Variants in TBC1D16 observed in about 807,000 individuals in gnomAD.
The protein encoded by TBC1D16 is CTD-2529O21.1.
Under a neutral mutation model 74.7 loss-of-function variants are expected in TBC1D16, and 58 were observed. That is an observed-to-expected ratio of 0.78 (90% CI 0.63 to 0.97). TBC1D16 has a LOEUF of 0.97. TBC1D16 is among the 50% of genes least tolerant of loss of function. The pLI is 0.00. For missense variants in TBC1D16, 1,014 were observed against 1,079.5 expected (o/e 0.94, Z 0.85); for synonymous variants, 493 against 474.7 (o/e 1.04, Z -0.50).
At chr17:79,949,893 G>A in intron 6 of TBC1D16, 28 bp from the exon 7 acceptor site, 1 of 1,604,602 alleles carries the variant, frequency 6.2e-7, no homozygotes, top group Non-Finnish European at 8.5e-7. Context: ...AGTTGGGGAG[G>A]GGATAAAATG....
chr17:80,005,686 C>A (rs1423397958), intron 3 of TBC1D16, among the ~76,000 whole-genome samples: 3 of 152,180 alleles, frequency 2.0e-5, no homozygotes, highest in African/African-American at 7.2e-5. Flanking sequence ...GATTTCCAGG[C>A]CGTCGCTGGA....
chr17:79,958,279 G>T (rs1410547444), intron 3 of TBC1D16, among the ~76,000 whole-genome samples: 2 of 150,666 alleles, frequency 1.3e-5, no homozygotes, highest in African/African-American at 4.9e-5. Context: ...AAATGCAATG[G>T]CAAGATCTCG....
In TBC1D16 at chr17:79,990,901, C is replaced by T. The variant is rs1486003213; in HGVS notation, c.779+19259G>A. On this transcript the variant is annotated intron_variant, in intron 3 of 11. Transcript: ENST00000310924. The surrounding 1 kb of genome is among the most constrained non-coding windows in gnomAD (Gnocchi z 4.8). ...TAACGTCCTCAACTCATCCGTGTTG[C>T]GGCGCGTGTCAGAATTGCCTTCCCA... 6.6e-6 allele frequency among the ~76,000 whole-genome samples: 1 copy of T among 152,214 alleles called. No homozygotes were observed. The highest frequency in any genetic ancestry group is 2.1e-4 in the South Asian group (1 of 4,834).
At chr17:79,976,847 G>A (rs777330547) in intron 3 of TBC1D16, among the ~76,000 whole-genome samples, 1 of 152,120 alleles carries the variant, frequency 6.6e-6, no homozygotes, top group African/African-American at 2.4e-5. Context: ...CTATGGAATC[G>A]GTCCCCAGAG....
chr17:79,944,414 C>T lies in TBC1D16; in HGVS notation c.1908+494G>A, dbSNP rs540757766. Among the ~76,000 whole-genome samples, 12 of 152,266 alleles carry T rather than the reference C, an allele frequency of 7.9e-5. No homozygotes were observed. Among genetic ancestry groups the T allele is most frequent in the Admixed American group, 2.6e-4 (4 of 15,296 alleles). On this transcript the variant is annotated intron_variant, in intron 10 of 11. Transcript: ENST00000310924. This position sits in a 1 kb window ranked among gnomAD's most constrained non-coding sequence, Gnocchi z 7.7. ...GAATTTGCTGAGAAGATGCTGGTGA[C>T]GGTGGACGGAGAGTGGAAGTCGGTA...
At chr17:79,973,478 G>C (rs2034199665) in intron 3 of TBC1D16, among the ~76,000 whole-genome samples, 1 of 152,152 alleles carries the variant, frequency 6.6e-6, no homozygotes, top group Non-Finnish European at 1.5e-5. Context: ...GGAAGGCCAA[G>C]GCGGGCGGAT....
rs1177830706 is a variant in TBC1D16 at position 79,950,664 on chromosome 17, C to T, written c.1090-86G>A. 3 of 1,555,818 alleles carry T rather than the reference C, an allele frequency of 1.9e-6. No individual in the cohort carries two copies. The highest frequency in any genetic ancestry group is 1.7e-4 in the Middle Eastern group (1 of 5,992). ...CAGTGCTTTTCCCAGGAATAAAAGC[C>T]TCTCTCTCTTCTGAAAGGAGGGCAA... On this transcript the variant is annotated intron_variant, in intron 5 of 11. Transcript: ENST00000310924. This position sits in a 1 kb window ranked among gnomAD's most constrained non-coding sequence, Gnocchi z 4.6.
rs901966543 is a variant in TBC1D16 at position 79,934,914 on chromosome 17, G to A, written c.*5945C>T. 1 of 152,280 alleles carries A rather than the reference G, an allele frequency of 6.6e-6. No individual in the cohort carries two copies. The highest frequency in any genetic ancestry group is 2.4e-5 in the African/African-American group (1 of 41,448). The allele number at this position is 152,280 out of a possible 1,614,324, so 9.4% of individuals were successfully genotyped here. A position where few individuals can be genotyped will look rare whatever the true frequency, so the allele number is the denominator to read the frequency against. Reference sequence around the variant, plus strand: ...GAAACCCCAAAGGGCGCTTGATGAAGAGCTGGAGCTCCCCGCCCCCCGTGC... The same window carrying A: ...GAAACCCCAAAGGGCGCTTGATGAAAAGCTGGAGCTCCCCGCCCCCCGTGC... On this transcript the variant is annotated 3_prime_UTR_variant, in exon 12 of 12. Coordinates refer to ENST00000310924, the MANE Select transcript of TBC1D16 (RefSeq NM_019020.4).
Position 79,939,913 on chromosome 17 carries a change from C to T in TBC1D16, c.*946G>A, listed in dbSNP as rs540774691. ...TGGTTGGTCAGCTAATACACTACCA[C>T]GTCCCTGGGACAAAGCAGATCATTG... On this transcript the variant is annotated 3_prime_UTR_variant, in exon 12 of 12. Transcript: ENST00000310924. 3 of 152,348 alleles carry T rather than the reference C, an allele frequency of 2.0e-5. No individual in the cohort carries two copies. Among genetic ancestry groups the T allele is most frequent in the East Asian group, 3.9e-4 (2 of 5,182 alleles). 9.4% of individuals were successfully genotyped at this position (152,348 alleles called of 1,614,324 possible). A position where few individuals can be genotyped will look rare whatever the true frequency, so the allele number is the denominator to read the frequency against.
At position 79,954,609 on chromosome 17, in the gene TBC1D16, G is replaced by A. The variant is rs948030532; in HGVS notation, c.780-1791C>T. The stretch of plus-strand genomic sequence containing the variant: ...ACATCTTCCCAAGTGGACCCTGCGG[G>A]AGCTGCGCTTCAGAATCGTTGCTCA... On this transcript the variant is annotated intron_variant, in intron 3 of 11. Transcript: ENST00000310924. This position sits in a 1 kb window ranked among gnomAD's most constrained non-coding sequence, Gnocchi z 5.5. Among the ~76,000 whole-genome samples the A allele has an allele frequency of 2.6e-5, 4 of 152,292 alleles. No individual in the cohort carries two copies. Among genetic ancestry groups the A allele is most frequent in the South Asian group, 2.1e-4 (1 of 4,824 alleles).
rs901354707 is a variant in TBC1D16 at position 79,987,973 on chromosome 17, G to A, written c.779+22187C>T. ...AGATTTCGAGGGAAGAATCCTAAAT[G>A]TGGGGAAATGAGGTTGCCCAGCAAT... On this transcript the variant is annotated intron_variant, in intron 3 of 11. Transcript: ENST00000310924. This position sits in a 1 kb window ranked among gnomAD's most constrained non-coding sequence, Gnocchi z 5.2. Among the ~76,000 whole-genome samples the A allele has an allele frequency of 1.1e-4, 16 of 152,236 alleles. No individual in the cohort carries two copies. Among genetic ancestry groups the A allele is most frequent in the African/African-American group, 3.9e-4 (16 of 41,544 alleles).
rs1203514015 is a variant in TBC1D16, at chr17:79,933,995, G to C, written c.*6864C>G. 6.6e-6 allele frequency: 1 copy of C among 152,252 alleles called. No homozygotes were observed. Among genetic ancestry groups the C allele is most frequent in the East Asian group, 1.9e-4 (1 of 5,180 alleles). 9.4% of individuals were successfully genotyped at this position (152,252 alleles called of 1,614,324 possible). A position where few individuals can be genotyped will look rare whatever the true frequency, so the allele number is the denominator to read the frequency against. ...GTGCGGCTGGTTGAGTGTAAACGCT[G>C]AGTCATGCTCGCTGCCCAGCTGTGT... is the stretch of plus-strand genomic sequence containing the variant. On this transcript the variant is annotated 3_prime_UTR_variant, in exon 12 of 12. Transcript: ENST00000310924.
intron 1 of TBC1D16, among the ~76,000 whole-genome samples, chr17:80,030,245 A>G (rs2036728561): frequency 6.6e-6 from 1 of 152,130 alleles, no homozygotes; most frequent in African/African-American, 2.4e-5. Flanking sequence ...GCTGATTTCC[A>G]ACTCGCAGGG....
At position 79,981,880 on chromosome 17, in the gene TBC1D16, G is replaced by A. The variant is rs2034597686; in HGVS notation, c.779+28280C>T. On this transcript the variant is annotated intron_variant, in intron 3 of 11. Transcript: ENST00000310924. The surrounding 1 kb of genome is among the most constrained non-coding windows in gnomAD (Gnocchi z 6.9). ...TCCAAGGGCGCGCCAGGGAACAGCA[G>A]GACGCGGCCCTCCGGGGCTTCCCTG... 6.6e-6 allele frequency among the ~76,000 whole-genome samples: 1 copy of A among 152,252 alleles called. No homozygotes were observed. The highest frequency in any genetic ancestry group is 2.4e-5 in the African/African-American group (1 of 41,470).
rs544464245 is a variant in TBC1D16 at position 80,007,518 on chromosome 17, C to A, written c.779+2642G>T. Among the ~76,000 whole-genome samples the A allele has an allele frequency of 6.6e-6, 1 of 152,150 alleles. No individual in the cohort carries two copies. Among genetic ancestry groups the A allele is most frequent in the Non-Finnish European group, 1.5e-5 (1 of 68,032 alleles). On this transcript the variant is annotated intron_variant, in intron 3 of 11. Coordinates refer to ENST00000310924, the MANE Select transcript of TBC1D16 (RefSeq NM_019020.4). The surrounding 1 kb of genome is among the most constrained non-coding windows in gnomAD (Gnocchi z 4.5). Reference sequence around the variant, plus strand: ...CCATCTGCCTCCCAGCAGCTGGGGACGGACAGGCGGACAGGGTGTCTCAGT... The same window carrying A: ...CCATCTGCCTCCCAGCAGCTGGGGAAGGACAGGCGGACAGGGTGTCTCAGT...
At chr17:79,952,559 T>C (rs2033119811) in intron 4 of TBC1D16, 98 bp downstream of exon 4, 4 of 1,442,496 alleles carry the variant, frequency 2.8e-6, no homozygotes. Flanking sequence ...CAGGGCCCTG[T>C]GTCCCCAAGC....
chr17:79,999,533 CTTTTTTTTTTTT>C (rs71163906), intron 3 of TBC1D16, among the ~76,000 whole-genome samples: 1 of 76,460 alleles, frequency 1.3e-5, no homozygotes, highest in African/African-American at 5.3e-5. Context: ...CCCCAAATTT[CTTTTTTTTTTTT>C]TTTTTTTTTT....
chr17:79,973,255 G>A (rs188193879), intron 3 of TBC1D16, among the ~76,000 whole-genome samples: 17 of 152,214 alleles, frequency 1.1e-4, no homozygotes, highest in Non-Finnish European at 1.9e-4. Flanking sequence ...ATTAGGCACA[G>A]TAAGAGATGA....
chr17:80,024,879 A>C (rs62647780), intron 1 of TBC1D16, among the ~76,000 whole-genome samples: 115,763 of 144,194 alleles, frequency 0.8, 47,278 homozygotes, highest in Middle Eastern at 0.86. Flanking sequence ...CACACACCAC[A>C]TACCATAGGC....
Sources: allele counts gnomAD v4.1 joint callset (sites outside exome capture counted in the v4.1 genomes callset), GRCh38; gene constraint gnomAD v4.1.1; non-coding constraint Gnocchi (gnomAD v3.1); transcripts MANE v1.5; gene names NCBI Gene and HGNC (gene_info 2026-07-23, HGNC 2026-07-21).